MAF: variants seen among roughly 807,000 people sequenced by gnomAD.
MAF encodes MAF bZIP transcription factor.
A neutral mutation model predicts 22.0 loss-of-function variants in MAF; 10 were observed. That is an observed-to-expected ratio of 0.45 (90% CI 0.28 to 0.77). The LOEUF (loss-of-function observed/expected upper bound fraction) is 0.77. Ranked by LOEUF, MAF falls within the 30% of genes least tolerant of loss-of-function variation. MAF has a pLI of 0.12. For synonymous variants in MAF, 337 were observed against 255.8 expected (o/e 1.32, Z -3.03); for missense variants, 544 against 548.4 (o/e 0.99, Z 0.08).
chr16:79,571,469 C>G, the MAF span, among the ~76,000 whole-genome samples: 1 of 150,682 alleles, frequency 6.6e-6, no homozygotes, highest in Non-Finnish European at 1.5e-5. Flanking sequence ...TCCACCACTC[C>G]ATAATTCTTT....
chr16:79,340,127 C>T, the MAF span, among the ~76,000 whole-genome samples: 2 of 151,992 alleles, frequency 1.3e-5, no homozygotes, highest in Non-Finnish European at 2.9e-5. Context: ...ACTTAGTGGA[C>T]GGCTGTTCCG....
chr16:79,456,222 G>A, the MAF span, among the ~76,000 whole-genome samples: 2 of 151,952 alleles, frequency 1.3e-5, no homozygotes, highest in Admixed American at 6.6e-5. Context: ...GTCCTGGAAA[G>A]CATCCTGTGC....
At chr16:79,484,474 G>A in the MAF span, among the ~76,000 whole-genome samples, 1 of 152,216 alleles carries the variant, frequency 6.6e-6, no homozygotes, top group Non-Finnish European at 1.5e-5. Context: ...GGCAATCACA[G>A]GGCTGAGTCC....
chr16:79,570,874 G>A, the MAF span, among the ~76,000 whole-genome samples: 1 of 152,182 alleles, frequency 6.6e-6, no homozygotes, highest in Admixed American at 6.5e-5. Flanking sequence ...TAAATGCTGA[G>A]CGTAAGGAGG....
the MAF span, among the ~76,000 whole-genome samples, chr16:79,233,830 G>A: frequency 9.9e-5 from 15 of 151,858 alleles, no homozygotes; most frequent in Admixed American, 5.9e-4. Flanking sequence ...TGTTTCTACT[G>A]AAAATACAAA....
At chr16:79,404,797 A>C in the MAF span, among the ~76,000 whole-genome samples, 1 of 152,170 alleles carries the variant, frequency 6.6e-6, no homozygotes, top group Non-Finnish European at 1.5e-5. Context: ...CCTGGTTTTC[A>C]GCGCCACTGA....
the MAF span, among the ~76,000 whole-genome samples, chr16:79,374,160 G>C: frequency 6.6e-6 from 1 of 152,190 alleles, no homozygotes; most frequent in Non-Finnish European, 1.5e-5. Context: ...GGCAATCCCG[G>C]TTGGTGCTTA....
At chr16:79,554,219 C>G in the MAF span, among the ~76,000 whole-genome samples, 143 of 152,202 alleles carry the variant, frequency 9.4e-4, 1 homozygote, top group African/African-American at 3.4e-3. Flanking sequence ...GAAGGGTTTC[C>G]TAATGAGATC....
the MAF span, among the ~76,000 whole-genome samples, chr16:79,476,926 G>C: frequency 7.7e-4 from 117 of 152,050 alleles, no homozygotes; most frequent in Non-Finnish European, 1.5e-3. Flanking sequence ...TTTGAGAGTC[G>C]CGTTATCATC....
the MAF span, among the ~76,000 whole-genome samples, chr16:79,386,795 A>G: frequency 6.6e-6 from 1 of 152,174 alleles, no homozygotes; most frequent in African/African-American, 2.4e-5. Context: ...GCCACAAGCC[A>G]TCCTTAGAGC....
chr16:79,496,110 A>C, the MAF span, among the ~76,000 whole-genome samples: 1 of 152,134 alleles, frequency 6.6e-6, no homozygotes, highest in Admixed American at 6.6e-5. Context: ...TGACCCACAA[A>C]AATTATGAGA....
chr16:79,418,445 T>C, the MAF span, among the ~76,000 whole-genome samples: 2 of 152,020 alleles, frequency 1.3e-5, no homozygotes, highest in South Asian at 2.1e-4. Context: ...AGAAAGAAAA[T>C]TTAGCAAACC....
chr16:79,462,904 G>A, the MAF span, among the ~76,000 whole-genome samples: 3,684 of 152,272 alleles, frequency 0.024, 152 homozygotes, highest in African/African-American at 0.084. Context: ...ATAGAAGTTC[G>A]TATTTTGGGG....
the MAF span, among the ~76,000 whole-genome samples, chr16:79,575,267 T>C: frequency 2.0e-5 from 3 of 152,142 alleles, no homozygotes; most frequent in Non-Finnish European, 2.9e-5. Flanking sequence ...CCCAATGCCA[T>C]GACCCCATTA....
the MAF span, among the ~76,000 whole-genome samples, chr16:79,526,329 C>T: frequency 1.3e-5 from 2 of 152,178 alleles, no homozygotes; most frequent in African/African-American, 2.4e-5. Flanking sequence ...CTCACATGCA[C>T]AGCTCATAAT....
chr16:79,414,874 A>T, the MAF span, among the ~76,000 whole-genome samples: 1 of 152,214 alleles, frequency 6.6e-6, no homozygotes, highest in Non-Finnish European at 1.5e-5. Flanking sequence ...ACACTAGTTC[A>T]TGTGTTGTCT....
chr16:79,391,042 G>A, the MAF span, among the ~76,000 whole-genome samples: 14 of 152,256 alleles, frequency 9.2e-5, no homozygotes, highest in Non-Finnish European at 1.8e-4. Context: ...GTCCACTGCT[G>A]CCTCTCCACC....
At chr16:79,591,758 A>C (rs1429915610), downstream of MAF, among the ~76,000 whole-genome samples, 5 of 152,220 alleles carry the variant, frequency 3.3e-5, no homozygotes, top group African/African-American at 1.2e-4. Flanking sequence ...TTAAACAATA[A>C]AATACTGTCA....
chr16:79,525,925 C>A, the MAF span, among the ~76,000 whole-genome samples: 1 of 152,164 alleles, frequency 6.6e-6, no homozygotes, highest in African/African-American at 2.4e-5. Flanking sequence ...GCCCTAGAGG[C>A]CTTAAGAGAA....
Sources: allele counts gnomAD v4.1 joint callset (sites outside exome capture counted in the v4.1 genomes callset), GRCh38; gene constraint gnomAD v4.1.1; transcripts MANE v1.5; gene names NCBI Gene and HGNC (gene_info 2026-07-23, HGNC 2026-07-21).